Variants in UNC5D observed in about 807,000 individuals in gnomAD.
UNC5D encodes the protein netrin receptor UNC5D.
In UNC5D, 39 loss-of-function variants were observed where a neutral mutation model predicts 105.4. That is an observed-to-expected ratio of 0.37 (90% CI 0.29 to 0.48). The LOEUF is 0.48. Ranked by LOEUF, UNC5D falls within the 20% of genes least tolerant of loss-of-function variation. The probability of loss-of-function intolerance (pLI) is 0.98; values close to 1 mark genes in which losing one functional copy is unlikely to be tolerated. For missense variants in UNC5D, 991 were observed against 1,202.4 expected (o/e 0.82, Z 2.60); for synonymous variants, 452 against 450.4 (o/e 1.00, Z -0.04).
At chr8:35,237,549 G>A (rs1012516674) in intron 1 of UNC5D, among the ~76,000 whole-genome samples, 2 of 152,082 alleles carry the variant, frequency 1.3e-5, no homozygotes, top group African/African-American at 4.8e-5. Flanking sequence ...CAAGAGGTGG[G>A]GACATGCCAG....
rs575166176 is a variant in UNC5D, at chr8:35,416,661, T to C, written c.104-132631T>C. On this transcript the variant is annotated intron_variant, in intron 1 of 16. Transcript: ENST00000404895. ...CTTTGTGATATTTCTTTTCTTATAG[T>C]AAGAGTAGAATCAGGAGTAACTGTT... 5.9e-5 allele frequency among the ~76,000 whole-genome samples: 9 copies of C among 152,170 alleles called. 1 individual carries two copies. Among genetic ancestry groups the C allele is most frequent in the African/African-American group, 2.2e-4 (9 of 41,522 alleles).
intron 4 of UNC5D, among the ~76,000 whole-genome samples, chr8:35,627,414 G>A (rs1821754769): frequency 6.6e-6 from 1 of 152,164 alleles, no homozygotes; most frequent in South Asian, 2.1e-4. Context: ...CATCTTTATT[G>A]TATTAATTTG....
At chr8:35,547,285 CTTTTTTT>C (rs11363785) in intron 1 of UNC5D, among the ~76,000 whole-genome samples, 3 of 128,030 alleles carry the variant, frequency 2.3e-5, no homozygotes, top group Admixed American at 1.6e-4. Flanking sequence ...GAACATTACT[CTTTTTTT>C]TTTTTTTTTT....
At chr8:35,310,528 G>A (rs1808794791) in intron 1 of UNC5D, among the ~76,000 whole-genome samples, 1 of 152,086 alleles carries the variant, frequency 6.6e-6, no homozygotes, top group African/African-American at 2.4e-5. Context: ...ACTGAGGCAG[G>A]AGAATTGCTT....
At chr8:35,712,511 T>G (rs1014788788) in intron 8 of UNC5D, among the ~76,000 whole-genome samples, 4 of 152,228 alleles carry the variant, frequency 2.6e-5, no homozygotes, top group African/African-American at 2.4e-5. Context: ...AAAATGCATG[T>G]GTCTTTAAAT....
chr8:35,338,037 T>G (rs1811182436), intron 1 of UNC5D, among the ~76,000 whole-genome samples: 1 of 152,226 alleles, frequency 6.6e-6, no homozygotes, highest in South Asian at 2.1e-4. Context: ...TACTTCAAGG[T>G]TTGAAAAAGG....
intron 1 of UNC5D, among the ~76,000 whole-genome samples, chr8:35,271,996 C>T (rs183603925): frequency 2.0e-5 from 3 of 151,870 alleles, no homozygotes; most frequent in Admixed American, 6.6e-5. Flanking sequence ...TTTAGCTGCA[C>T]GTGCTGTAGA....
chr8:35,792,782 G>T lies in UNC5D; in HGVS notation c.*2219G>T. On this transcript the variant is annotated 3_prime_UTR_variant, in exon 17 of 17. Transcript: ENST00000404895. ...GCATTTTCCCTCTTCCCTTCTAATGGGCATTATAATTGTTTCATCTACTCT... is the reference window on the plus strand; with the variant it reads ...GCATTTTCCCTCTTCCCTTCTAATGTGCATTATAATTGTTTCATCTACTCT... 1 of 299,774 alleles carries T rather than the reference G, an allele frequency of 3.3e-6. No homozygotes were observed. The highest frequency in any genetic ancestry group is 6.4e-6 in the Non-Finnish European group (1 of 155,978). 18.6% of individuals were successfully genotyped at this position (299,774 alleles called of 1,614,324 possible). A position where few individuals can be genotyped will look rare whatever the true frequency, so the allele number is the denominator to read the frequency against.
chr8:35,629,760 C>T (rs1269404258), intron 4 of UNC5D, among the ~76,000 whole-genome samples: 3 of 152,136 alleles, frequency 2.0e-5, no homozygotes, highest in Non-Finnish European at 4.4e-5. Flanking sequence ...TTCACAAAAA[C>T]AAATACAATT....
chr8:35,255,029 C>T (rs1390700671), intron 1 of UNC5D: 1 of 152,086 alleles, frequency 6.6e-6, no homozygotes, highest in East Asian at 1.9e-4. Context: ...TAAAAAATCC[C>T]AAAATAACCA....
At chr8:35,323,041 C>T (rs114977458) in intron 1 of UNC5D, among the ~76,000 whole-genome samples, 355 of 152,158 alleles carry the variant, frequency 2.3e-3, no homozygotes, top group African/African-American at 8.2e-3. Flanking sequence ...ATATGACCTT[C>T]ACATATATCA....
chr8:35,742,191 T>G (rs1829796741), intron 11 of UNC5D, among the ~76,000 whole-genome samples: 4 of 151,724 alleles, frequency 2.6e-5, no homozygotes, highest in Admixed American at 2.6e-4. Context: ...TGATGTCATG[T>G]CCCTGGGACT....
intron 1 of UNC5D, among the ~76,000 whole-genome samples, chr8:35,469,546 G>C (rs533367291): frequency 1.3e-5 from 2 of 152,210 alleles, no homozygotes; most frequent in East Asian, 3.9e-4. Context: ...AACTTTCTTT[G>C]CTTTGGAATA....
intron 1 of UNC5D, among the ~76,000 whole-genome samples, chr8:35,545,018 T>C (rs760713062): frequency 1.9e-4 from 29 of 152,180 alleles, no homozygotes; most frequent in Non-Finnish European, 2.6e-4. Flanking sequence ...CATCAGAGTC[T>C]GTGATTTTTC....
chr8:35,598,435 G>A (rs1019310806), intron 4 of UNC5D, among the ~76,000 whole-genome samples: 6 of 152,130 alleles, frequency 3.9e-5, no homozygotes, highest in African/African-American at 1.4e-4. Flanking sequence ...GGAAACCACT[G>A]CACACTGTTG....
chr8:35,791,989 C>T lies in UNC5D; in HGVS notation c.*1426C>T, dbSNP rs1272965583. The T allele has an allele frequency of 6.6e-6, 1 of 152,126 alleles. No individual in the cohort carries two copies. The highest frequency in any genetic ancestry group is 1.5e-5 in the Non-Finnish European group (1 of 68,022). The allele number at this position is 152,126 out of a possible 1,614,324, so 9.4% of individuals were successfully genotyped here. Reference sequence around the variant, plus strand: ...AAAGGTGAACAGATTTGCTCTTGCTCATCTTCTGGTGGATATTTTAACTTG... The same window carrying T: ...AAAGGTGAACAGATTTGCTCTTGCTTATCTTCTGGTGGATATTTTAACTTG... On this transcript the variant is annotated 3_prime_UTR_variant, in exon 17 of 17. Coordinates refer to ENST00000404895, the MANE Select transcript of UNC5D (RefSeq NM_080872.4).
At chr8:35,470,771 T>TA (rs1206374115) in intron 1 of UNC5D, among the ~76,000 whole-genome samples, 1 of 121,132 alleles carries the variant, frequency 8.3e-6, no homozygotes, top group African/African-American at 3.6e-5. Flanking sequence ...TTTCTCAAAA[T>TA]AAATAAATAA....
intron 4 of UNC5D, among the ~76,000 whole-genome samples, chr8:35,669,754 A>ATAAGT (rs1824656644): frequency 6.6e-6 from 1 of 152,104 alleles, no homozygotes; most frequent in East Asian, 1.9e-4. Flanking sequence ...TTCTCAGATG[A>ATAAGT]TAAGTTTCAA....
At chr8:35,512,096 C>G (rs894020264) in intron 1 of UNC5D, among the ~76,000 whole-genome samples, 6 of 152,048 alleles carry the variant, frequency 3.9e-5, no homozygotes, top group Non-Finnish European at 8.8e-5. Context: ...CAGAATACAC[C>G]CCCAATCAAA....
Sources: allele counts gnomAD v4.1 joint callset (sites outside exome capture counted in the v4.1 genomes callset), GRCh38; gene constraint gnomAD v4.1.1; transcripts MANE v1.5; gene names NCBI Gene and HGNC (gene_info 2026-07-23, HGNC 2026-07-21).